CAMTA1: variants seen among roughly 807,000 people sequenced by gnomAD.
CAMTA1 encodes calmodulin-binding transcription activator 1.
Under a neutral mutation model 170.9 loss-of-function variants are expected in CAMTA1, and 27 were observed. That is an observed-to-expected ratio of 0.16 (90% CI 0.12 to 0.22). CAMTA1 has a LOEUF of 0.22. CAMTA1 is among the 10% of genes least tolerant of loss of function. The pLI, the probability that CAMTA1 is intolerant of heterozygous loss-of-function variation, is 1.00. For synonymous variants in CAMTA1, 833 were observed against 891.5 expected, an observed-to-expected ratio of 0.93 and a Z score of 1.17; for missense variants, 1,619 against 2,217.2, an observed-to-expected ratio of 0.73 and a Z score of 5.42.
At chr1:7,559,778 C>A (rs2094932788) in intron 6 of CAMTA1, among the ~76,000 whole-genome samples, 1 of 152,004 alleles carries the variant, frequency 6.6e-6, no homozygotes, top group Admixed American at 6.5e-5. Context: ...ACTGATTGCA[C>A]CCCGATGTCC....
At chr1:7,537,569 C>A (rs1236207228) in intron 6 of CAMTA1, among the ~76,000 whole-genome samples, 3 of 152,216 alleles carry the variant, frequency 2.0e-5, no homozygotes, top group Non-Finnish European at 4.4e-5. Flanking sequence ...GGCTGCCAGA[C>A]CCTGGGGACG....
intron 6 of CAMTA1, among the ~76,000 whole-genome samples, chr1:7,513,392 A>G (rs937385795): frequency 3.3e-5 from 5 of 152,144 alleles, no homozygotes; most frequent in Non-Finnish European, 5.9e-5. Flanking sequence ...GCAGCCATGC[A>G]AAGCAGCGTA....
chr1:7,376,837 G>A (rs2086877422), intron 5 of CAMTA1, among the ~76,000 whole-genome samples: 1 of 152,144 alleles, frequency 6.6e-6, no homozygotes, highest in Non-Finnish European at 1.5e-5. Context: ...TTTGTCCCCA[G>A]CCCTTGCCTA....
At chr1:7,689,513 AGGCT>A (rs2096287635) in intron 11 of CAMTA1, among the ~76,000 whole-genome samples, 1 of 152,092 alleles carries the variant, frequency 6.6e-6, no homozygotes, top group African/African-American at 2.4e-5. Context: ...CTGGAGGTTG[AGGCT>A]GCAGTGAGCT....
chr1:7,345,937 G>A (rs1417692716), intron 5 of CAMTA1, among the ~76,000 whole-genome samples: 2 of 152,170 alleles, frequency 1.3e-5, no homozygotes, highest in Non-Finnish European at 2.9e-5. Flanking sequence ...AATCTGAGGA[G>A]GTGTTTTGGG....
At chr1:7,523,973 C>A (rs560594641) in intron 6 of CAMTA1, among the ~76,000 whole-genome samples, 6 of 152,002 alleles carry the variant, frequency 3.9e-5, no homozygotes, top group African/African-American at 1.4e-4. Flanking sequence ...GAAGCTGAGG[C>A]GGGTGGATCA....
intron 6 of CAMTA1, among the ~76,000 whole-genome samples, chr1:7,542,838 A>AGTTTGTGTGTGTGTGTGT (rs745940570): frequency 7.1e-5 from 4 of 56,024 alleles, no homozygotes; most frequent in East Asian, 6.3e-4. Context: ...CCTAAAACAC[A>AGTTTGTGTGTGTGTGTGT]GTGTGTGTGT....
At chr1:7,554,297 C>G (rs987809995) in intron 6 of CAMTA1, among the ~76,000 whole-genome samples, 1 of 152,218 alleles carries the variant, frequency 6.6e-6, no homozygotes, top group African/African-American at 2.4e-5. Context: ...CTCCTTCACT[C>G]TTTCAGCTGG....
At position 7,547,979 on chromosome 1, in the gene CAMTA1, T is replaced by C. The variant is rs1460593997; in HGVS notation, c.510+80078T>C. Among the ~76,000 whole-genome samples the C allele has an allele frequency of 6.6e-6, 1 of 152,196 alleles. No individual in the cohort carries two copies. The highest frequency in any genetic ancestry group is 1.9e-4 in the East Asian group (1 of 5,192). On this transcript the variant is annotated intron_variant, in intron 6 of 22. Transcript: ENST00000303635. This position sits in a 1 kb window ranked among gnomAD's most constrained non-coding sequence, Gnocchi z 5.7. ...GGGAAACAGTGACGTGATTGATTAG[T>C]AATGTCTGCCATGAACAGAGGGACA... is the stretch of plus-strand genomic sequence containing the variant.
intron 4 of CAMTA1, among the ~76,000 whole-genome samples, chr1:7,180,411 A>G (rs1305457281): frequency 1.3e-5 from 2 of 152,000 alleles, no homozygotes; most frequent in East Asian, 3.8e-4. Flanking sequence ...AAATATGAAA[A>G]CAGTATCAAT....
chr1:7,335,783 A>G (rs1343425883), intron 5 of CAMTA1, among the ~76,000 whole-genome samples: 1 of 152,008 alleles, frequency 6.6e-6, no homozygotes, highest in Non-Finnish European at 1.5e-5. Flanking sequence ...AAAAAAAAAA[A>G]AAAAGGCAAA....
intron 6 of CAMTA1, among the ~76,000 whole-genome samples, chr1:7,498,699 AT>A (rs2093889270): frequency 2.6e-5 from 4 of 151,286 alleles, no homozygotes; most frequent in African/African-American, 9.7e-5. Flanking sequence ...ATGTGTGTAT[AT>A]GTGTGTGCAC....
intron 3 of CAMTA1, among the ~76,000 whole-genome samples, chr1:7,073,939 C>T (rs1475689432): frequency 1.3e-5 from 2 of 152,144 alleles, no homozygotes; most frequent in Admixed American, 6.5e-5. Flanking sequence ...AAAGACAACA[C>T]CTCTATCACA....
At chr1:7,486,898 C>G (rs2149668415) in intron 6 of CAMTA1, among the ~76,000 whole-genome samples, 1 of 152,254 alleles carries the variant, frequency 6.6e-6, no homozygotes, top group Middle Eastern at 3.4e-3. Flanking sequence ...GTCTGCCCTC[C>G]CAGCACACCC....
intron 5 of CAMTA1, among the ~76,000 whole-genome samples, chr1:7,327,816 A>G (rs1448501686): frequency 6.6e-6 from 1 of 152,186 alleles, no homozygotes; most frequent in African/African-American, 2.4e-5. Context: ...ATTCTTGAGA[A>G]GCTTCCTTTC....
At chr1:7,096,736 G>A (rs1642125624) in intron 4 of CAMTA1, among the ~76,000 whole-genome samples, 1 of 152,092 alleles carries the variant, frequency 6.6e-6, no homozygotes, top group African/African-American at 2.4e-5. Context: ...CCACTGTTAC[G>A]CTTGGAGTAT....
intron 3 of CAMTA1, among the ~76,000 whole-genome samples, chr1:6,850,155 C>T (rs542670379): frequency 1.3e-5 from 2 of 151,880 alleles, no homozygotes; most frequent in South Asian, 2.1e-4. Context: ...AAACGTGGGT[C>T]AATACTTACT....
intron 4 of CAMTA1, among the ~76,000 whole-genome samples, chr1:7,246,412 T>C (rs764513514): frequency 4.6e-5 from 7 of 152,192 alleles, no homozygotes; most frequent in Non-Finnish European, 1.0e-4. Flanking sequence ...CAACAATAAC[T>C]GGAAGTGGGT....
At chr1:7,267,023 A>G (rs2149383271) in intron 5 of CAMTA1, among the ~76,000 whole-genome samples, 1 of 152,314 alleles carries the variant, frequency 6.6e-6, no homozygotes, top group South Asian at 2.1e-4. Context: ...GAGGTTCTGG[A>G]CAGGTAACTT....
Sources: gnomAD v4.1 joint callset for allele counts (sites outside exome capture counted in the v4.1 genomes callset) on GRCh38, gnomAD v4.1.1 for gene constraint, Gnocchi (gnomAD v3.1) non-coding constraint, MANE v1.5 for transcripts, NCBI Gene and HGNC (gene_info 2026-07-23, HGNC 2026-07-21) for gene names.